The following FAM47E variants were observed in gnomAD, a reference collection of about 807,000 sequenced individuals.
FAM47E encodes protein FAM47E.
In FAM47E, 32 loss-of-function variants were observed where a neutral mutation model predicts 41.6. That is an observed-to-expected ratio of 0.77 (90% CI 0.58 to 1.03). The LOEUF is 1.03. Among genes scored for constraint, FAM47E ranks in the 50% least tolerant of loss-of-function variants. The probability of loss-of-function intolerance (pLI) is 0.00; values close to 1 mark genes in which losing one functional copy is unlikely to be tolerated. For synonymous variants in FAM47E, 184 were observed against 188.7 expected, an observed-to-expected ratio of 0.98 and a Z score of 0.20; for missense variants, 424 against 485.4, an observed-to-expected ratio of 0.87 and a Z score of 1.19.
intron 5 of FAM47E, among the ~76,000 whole-genome samples, chr4:76,273,156 T>A (rs1578798576): frequency 6.6e-6 from 1 of 151,990 alleles, no homozygotes; most frequent in Admixed American, 6.6e-5. Flanking sequence ...TGACTAAGGG[T>A]GGGTAGTGTG....
At chr4:76,252,323 C>T (rs56371028) in intron 1 of FAM47E, among the ~76,000 whole-genome samples, 22,468 of 152,042 alleles carry the variant, frequency 0.15, 1,708 homozygotes, top group Admixed American at 0.19. Context: ...ACATTTTGTA[C>T]GGTTGTGGTA....
chr4:76,273,287 A>G (rs1202057353), intron 5 of FAM47E, among the ~76,000 whole-genome samples: 1 of 152,204 alleles, frequency 6.6e-6, no homozygotes, highest in Non-Finnish European at 1.5e-5. Context: ...TGAGTTGTTT[A>G]TTTCTAGAAT....
intron 2 of FAM47E, among the ~76,000 whole-genome samples, chr4:76,261,045 A>G (rs1480228173): frequency 3.3e-5 from 5 of 152,128 alleles, no homozygotes; most frequent in Non-Finnish European, 5.9e-5. Flanking sequence ...ACATACAAGC[A>G]GCCAACAAAC....
At chr4:76,218,701 G>C (rs1473928976) in intron 2 of FAM47E, among the ~76,000 whole-genome samples, 1 of 152,170 alleles carries the variant, frequency 6.6e-6, no homozygotes, top group Non-Finnish European at 1.5e-5. Flanking sequence ...CACGGAACTA[G>C]GAGGAGATAT....
chr4:76,269,664 T>C (rs945019234), intron 4 of FAM47E: 1 of 151,922 alleles, frequency 6.6e-6, no homozygotes, highest in South Asian at 2.1e-4. Context: ...GGCATGATGG[T>C]GTGCCCCTTC....
At chr4:76,283,150 C>T (rs1460198254) in intron 7 of FAM47E, 2 of 355,642 alleles carry the variant, frequency 5.6e-6, no homozygotes, top group Non-Finnish European at 1.0e-5. Flanking sequence ...CTGGGCCAGA[C>T]TTGGGCACAG....
intron 1 of FAM47E, among the ~76,000 whole-genome samples, chr4:76,215,418 C>G (rs1343427525): frequency 6.6e-6 from 1 of 152,164 alleles, no homozygotes; most frequent in East Asian, 1.9e-4. Flanking sequence ...CCCGATCTGT[C>G]ACTAATGAGA....
At chr4:76,267,460 T>C (rs4859653) in intron 3 of FAM47E, 92,019 of 152,094 alleles carry the variant, frequency 0.61, 28,014 homozygotes, top group Middle Eastern at 0.66. Flanking sequence ...GAGTAAAAAA[T>C]GGTGGTGGGT....
chr4:76,223,187 T>G (rs1361257913), intron 2 of FAM47E, among the ~76,000 whole-genome samples: 1 of 152,170 alleles, frequency 6.6e-6, no homozygotes, highest in Non-Finnish European at 1.5e-5. Flanking sequence ...AAAACTACCT[T>G]CCTTGGAAGT....
intron 5 of FAM47E, among the ~76,000 whole-genome samples, chr4:76,277,053 A>G (rs902206085): frequency 6.6e-6 from 1 of 152,192 alleles, no homozygotes; most frequent in Admixed American, 6.5e-5. Flanking sequence ...GTGGTGAGAC[A>G]GTGTGGGTAT....
chr4:76,278,214 TG>T lies in FAM47E; in HGVS notation c.1017del (p.Gln340ArgfsTer21), dbSNP rs1735208578. Reference protein sequence around the residue: ...KAQEENFKKELQEQEELLADL... With the variant: ...KAQEENFKKEXQEQEELLADL... ...CAAGAGGAGAATTTTAAAAAGGAGC[TG>T]CAGGAACAGGTATGTATTTATACTG... On this transcript the variant is annotated frameshift_variant, in exon 6 of 8. Coordinates refer to ENST00000424749, the MANE Select transcript of FAM47E (RefSeq NM_001136570.3). LOFTEE classifies it high-confidence loss of function. 1 of 1,540,610 alleles carries T rather than the reference TG, an allele frequency of 6.5e-7. No individual in the cohort carries two copies. The highest frequency in any genetic ancestry group is 1.2e-5 in the South Asian group (1 of 82,016).
At chr4:76,227,189 C>T (rs779617591) in intron 2 of FAM47E, among the ~76,000 whole-genome samples, 55 of 152,116 alleles carry the variant, frequency 3.6e-4, no homozygotes, top group Non-Finnish European at 5.3e-4. Context: ...CTTAGCACCA[C>T]TTTTGCTGTG....
chr4:76,244,260 A>C (rs1474623266), intron 2 of FAM47E, among the ~76,000 whole-genome samples: 2 of 152,168 alleles, frequency 1.3e-5, no homozygotes, highest in Admixed American at 1.3e-4. Context: ...CATACCCAGT[A>C]ATGAGATCAC....
intron 2 of FAM47E, chr4:76,234,223 A>G (rs1022158071): frequency 6.6e-6 from 1 of 152,384 alleles, no homozygotes; most frequent in African/African-American, 2.4e-5. Flanking sequence ...GGGTGTGGGC[A>G]TGATTTCCCC....
At chr4:76,240,431 T>A (rs1733683539) in intron 2 of FAM47E, among the ~76,000 whole-genome samples, 1 of 152,200 alleles carries the variant, frequency 6.6e-6, no homozygotes, top group Admixed American at 6.5e-5. Flanking sequence ...TATTCATGTC[T>A]TTCATTAAAT....
At chr4:76,237,130 C>T (rs2109989125) in intron 2 of FAM47E, among the ~76,000 whole-genome samples, 2 of 151,948 alleles carry the variant, frequency 1.3e-5, no homozygotes, top group Admixed American at 6.6e-5. Context: ...CTCCTGACCT[C>T]GTGATCCACC....
chr4:76,257,494 T>A (rs1430494435), intron 2 of FAM47E, among the ~76,000 whole-genome samples: 2 of 152,118 alleles, frequency 1.3e-5, no homozygotes, highest in Non-Finnish European at 2.9e-5. Flanking sequence ...AAGCCAGAGT[T>A]CTTGCTGGGA....
upstream of FAM47E, among the ~76,000 whole-genome samples, chr4:76,251,161 T>C (rs1001692453): frequency 6.6e-6 from 1 of 152,152 alleles, no homozygotes; most frequent in African/African-American, 2.4e-5. Context: ...AGCTGGATGG[T>C]ACTTGTCTGC....
intron 2 of FAM47E, among the ~76,000 whole-genome samples, chr4:76,260,120 T>G (rs1162867888): frequency 6.6e-6 from 1 of 152,182 alleles, no homozygotes; most frequent in Admixed American, 6.5e-5. Flanking sequence ...ATCAATATTG[T>G]CAAAATGACC....
Sources: gnomAD v4.1 joint callset for allele counts (sites outside exome capture counted in the v4.1 genomes callset) on GRCh38, gnomAD v4.1.1 for gene constraint, MANE v1.5 for transcripts, NCBI Gene and HGNC (gene_info 2026-07-23, HGNC 2026-07-21) for gene names.